Variants in ANKFN1 observed in about 807,000 individuals in gnomAD.
ANKFN1 encodes ankyrin repeat and fibronectin type III domain containing 1.
ANKFN1 carries 74 observed loss-of-function variants against 108.7 expected under a neutral mutation model. The ratio of observed to expected loss-of-function variants is 0.68; its 90% CI spans 0.56 to 0.83. The LOEUF is 0.83. Ranked by LOEUF, ANKFN1 falls within the 40% of genes least tolerant of loss-of-function variation. ANKFN1 has a pLI of 0.00. For missense variants in ANKFN1, 1,505 were observed against 1,382.3 expected, an observed-to-expected ratio of 1.09 and a Z score of -1.41; for synonymous variants, 547 against 516.2, an observed-to-expected ratio of 1.06 and a Z score of -0.81.
At chr17:56,169,925 G>A (rs1289489396) in intron 1 of ANKFN1, among the ~76,000 whole-genome samples, 1 of 152,148 alleles carries the variant, frequency 6.6e-6, no homozygotes, top group African/African-American at 2.4e-5. Flanking sequence ...TGGTCAATCT[G>A]ATGATCTATC....
chr17:56,410,235 C>G (rs997479976), intron 8 of ANKFN1, among the ~76,000 whole-genome samples: 2 of 152,094 alleles, frequency 1.3e-5, no homozygotes, highest in Non-Finnish European at 2.9e-5. Flanking sequence ...GCCACCACGC[C>G]CAGCTAATTT....
At chr17:56,169,250 C>G (rs1042670406) in intron 1 of ANKFN1, among the ~76,000 whole-genome samples, 1 of 152,066 alleles carries the variant, frequency 6.6e-6, no homozygotes, top group African/African-American at 2.4e-5. Context: ...TAGAGAACTT[C>G]TAATTCCGTT....
At chr17:56,346,390 A>T (rs1008475365) in intron 4 of ANKFN1, among the ~76,000 whole-genome samples, 1 of 151,938 alleles carries the variant, frequency 6.6e-6, no homozygotes, top group Non-Finnish European at 1.5e-5. Context: ...TTGGTTCTAG[A>T]TGAAATTTAA....
rs539329879 is a variant in ANKFN1 at position 56,092,563 on chromosome 17, C to T, written c.288+46238C>T. Among the ~76,000 whole-genome samples, 12 of 151,048 alleles carry T rather than the reference C, an allele frequency of 7.9e-5. 1 individual carries two copies. The highest frequency in any genetic ancestry group is 1.9e-4 in the East Asian group (1 of 5,174). On this transcript the variant is annotated intron_variant, in intron 4 of 12. Transcript: ENST00000635860. ...TGTTAGGATTACAGGCGTGAGCCAC[C>T]GCGCCCAGTCGGTAGTATGTTTTTT...
In ANKFN1 at chr17:56,453,159, C is replaced by A. The variant is rs546109432; in HGVS notation, c.1208-3702C>A. ...TGCTCATATTTCTAATAATGTTTTT[C>A]GATTTTAGTCATTACCTCACTAAAG... On this transcript the variant is annotated intron_variant, in intron 11 of 20. Coordinates refer to ENST00000682825, the MANE Select transcript of ANKFN1 (RefSeq NM_001370326.1). Among the ~76,000 whole-genome samples the A allele has an allele frequency of 1.1e-4, 16 of 151,970 alleles. No homozygotes were observed. In the East Asian group the frequency reaches 3.1e-3, roughly 29 times the overall value.
At position 56,354,037 on chromosome 17, in the gene ANKFN1, A is replaced by C; in HGVS notation, c.592A>C (p.Ser198Arg). Reference sequence around the variant, plus strand: ...TCTTCTGAGGACAGGGGCCCGAGAAAGTCCACACTGTAAGTAACCTGAGAA... The same window carrying C: ...TCTTCTGAGGACAGGGGCCCGAGAACGTCCACACTGTAAGTAACCTGAGAA... ...RILLRTGARE[S>R]PHFVSLESRA... Residue 198 changes from serine to arginine, a missense_variant, in exon 6 of 21, where the codon AGT becomes CGT. By Grantham distance (110) the Ser-to-Arg change is moderately radical. Coordinates refer to ENST00000682825, the MANE Select transcript of ANKFN1 (RefSeq NM_001370326.1). 6.2e-7 allele frequency: 1 copy of C among 1,613,764 alleles called. No individual in the cohort carries two copies. Among genetic ancestry groups the C allele is most frequent in the Admixed American group, 1.7e-5 (1 of 59,948 alleles).
intron 8 of ANKFN1, among the ~76,000 whole-genome samples, chr17:56,436,837 C>CAAAAAA (rs965424286): frequency 2.5e-5 from 2 of 79,168 alleles, no homozygotes; most frequent in African/African-American, 8.9e-5. Context: ...AACTCCATCT[C>CAAAAAA]AAAAAAAAAA....
At chr17:56,289,115 C>G (rs1465935689) in intron 3 of ANKFN1, among the ~76,000 whole-genome samples, 1 of 152,102 alleles carries the variant, frequency 6.6e-6, no homozygotes, top group Non-Finnish European at 1.5e-5. Context: ...GCATTTTTCT[C>G]TCATTGTTTC....
At chr17:56,085,715 G>A (rs1905303959) in intron 4 of ANKFN1, among the ~76,000 whole-genome samples, 1 of 151,210 alleles carries the variant, frequency 6.6e-6, no homozygotes, top group Non-Finnish European at 1.5e-5. Flanking sequence ...AACACCATTT[G>A]GTTCAACTCA....
chr17:56,259,797 G>A (rs1774113374), intron 3 of ANKFN1, among the ~76,000 whole-genome samples: 1 of 151,946 alleles, frequency 6.6e-6, no homozygotes, highest in Non-Finnish European at 1.5e-5. Context: ...TATATAAACA[G>A]TTTCAAGTAA....
chr17:56,303,662 C>A, intron 3 of ANKFN1, among the ~76,000 whole-genome samples: 1 of 151,954 alleles, frequency 6.6e-6, no homozygotes, highest in East Asian at 1.9e-4. Flanking sequence ...AAATAATAGA[C>A]GGAGATTCCA....
At chr17:56,238,961 T>A (rs750048989) in intron 3 of ANKFN1, among the ~76,000 whole-genome samples, 32 of 152,136 alleles carry the variant, frequency 2.1e-4, no homozygotes, top group Non-Finnish European at 4.1e-4. Context: ...AGTTACAATT[T>A]TTAAAAAATC....
intron 5 of ANKFN1, 25 bp downstream of exon 5, chr17:56,350,992 T>C (rs765141863): frequency 8.1e-6 from 13 of 1,605,360 alleles, no homozygotes; most frequent in Non-Finnish European, 9.4e-6. Flanking sequence ...TTTATTCTTG[T>C]GTCAGTTTGA....
rs1411276742 is a variant in ANKFN1, at chr17:56,295,289, G to A, written c.54-30932G>A. On this transcript the variant is annotated intron_variant, in intron 3 of 20. Coordinates refer to ENST00000682825, the MANE Select transcript of ANKFN1 (RefSeq NM_001370326.1). ...AAAGGCAATGCAGTATGAATTCAAGGAAGAAAGGCAATTTCCTTTAAAATA... is the reference window on the plus strand; with the variant it reads ...AAAGGCAATGCAGTATGAATTCAAGAAAGAAAGGCAATTTCCTTTAAAATA... Among the ~76,000 whole-genome samples the A allele has an allele frequency of 2.0e-5, 3 of 152,200 alleles. No homozygotes were observed. The East Asian group carries it at 5.8e-4, about 29-fold the overall frequency.
chr17:56,498,983 A>G lies in ANKFN1; in HGVS notation c.2529A>G (p.Ile843Met), dbSNP rs2051286289. The change falls in exon 20 of 21, where the codon ATA becomes ATG. Residue 843 changes from isoleucine to methionine, a missense_variant. Ile to Met is a conservative substitution (Grantham distance 10). Coordinates refer to ENST00000682825, the MANE Select transcript of ANKFN1 (RefSeq NM_001370326.1). ...PVSGLPITKL[I>M]DPSDEQSLKK... is the part of the protein sequence containing the mutation. ...CTGGCTTGCCCATCACTAAGCTGAT[A>G]GACCCCTCAGATGAGCAGAGCCTAA... is the stretch of plus-strand genomic sequence containing the variant. 1 of 1,535,676 alleles carries G rather than the reference A, an allele frequency of 6.5e-7. No individual in the cohort carries two copies. The highest frequency in any genetic ancestry group is 8.7e-7 in the Non-Finnish European group (1 of 1,146,640).
intron 4 of ANKFN1, among the ~76,000 whole-genome samples, chr17:56,337,271 C>G (rs1360698371): frequency 6.6e-6 from 1 of 152,104 alleles, no homozygotes; most frequent in African/African-American, 2.4e-5. Flanking sequence ...TCCTGGATAT[C>G]CTTGTTAACC....
At chr17:56,342,893 A>G (rs1229543115) in intron 4 of ANKFN1, among the ~76,000 whole-genome samples, 1 of 152,006 alleles carries the variant, frequency 6.6e-6, no homozygotes, top group Non-Finnish European at 1.5e-5. Flanking sequence ...GGGGTGTTAG[A>G]GTCTCCCACT....
At chr17:56,329,491 A>T (rs557544121) in intron 4 of ANKFN1, among the ~76,000 whole-genome samples, 1 of 152,286 alleles carries the variant, frequency 6.6e-6, no homozygotes, top group African/African-American at 2.4e-5. Context: ...TGTCACACAG[A>T]AAGTTCATCA....
intron 8 of ANKFN1, among the ~76,000 whole-genome samples, chr17:56,420,592 G>A (rs2048369897): frequency 6.6e-6 from 1 of 150,378 alleles, no homozygotes. Context: ...GCATATATGA[G>A]AACCCATAAT....
Sources: gnomAD v4.1 joint callset for allele counts (sites outside exome capture counted in the v4.1 genomes callset) on GRCh38, gnomAD v4.1.1 for gene constraint, MANE v1.5 for transcripts, NCBI Gene and HGNC (gene_info 2026-07-23, HGNC 2026-07-21) for gene names.